Variants in SSR2 observed in about 807,000 individuals in gnomAD.
SSR2 encodes the protein translocon-associated protein subunit beta.
Under a neutral mutation model 22.6 loss-of-function variants are expected in SSR2, and 16 were observed. The observed-to-expected ratio is 0.71, with a 90% CI of 0.48 to 1.08. SSR2 has a LOEUF of 1.08. SSR2 is among the 50% of genes least tolerant of loss of function. SSR2 has a pLI of 0.00. For synonymous variants in SSR2, 83 were observed against 91.2 expected, an observed-to-expected ratio of 0.91 and a Z score of 0.51; for missense variants, 171 against 221.6, an observed-to-expected ratio of 0.77 and a Z score of 1.45.
intron 2 of SSR2, chr1:156,019,325 A>G: frequency 2.7e-6 from 1 of 376,424 alleles, no homozygotes; most frequent in Non-Finnish European, 5.4e-6. Context: ...GAAAGTTATA[A>G]GGGAATAAAA....
chr1:156,016,829 T>C (rs557669632), intron 3 of SSR2, among the ~76,000 whole-genome samples: 4 of 152,258 alleles, frequency 2.6e-5, no homozygotes, highest in South Asian at 2.1e-4. Flanking sequence ...GGTTTAAAAG[T>C]GTGTAGCACC....
intron 4 of SSR2, 165 bp downstream of exon 4, chr1:156,014,795 GC>G (rs1683027474): frequency 3.5e-6 from 2 of 572,032 alleles, no homozygotes; most frequent in Non-Finnish European, 6.4e-6. Flanking sequence ...GCCCACCTCG[GC>G]CTCCAAAAAT....
At chr1:156,019,162 G>A (rs1252390409) in intron 2 of SSR2, 1 of 371,776 alleles carries the variant, frequency 2.7e-6, no homozygotes, top group Non-Finnish European at 5.5e-6. Context: ...GAAGAATCCA[G>A]GTCAAGGACT....
chr1:156,012,766 G>A (rs1274800816), intron 4 of SSR2: 1 of 297,740 alleles, frequency 3.4e-6, no homozygotes, highest in African/African-American at 2.2e-5. Flanking sequence ...CACACATTTT[G>A]GCTTCATAAA....
Position 156,019,315 on chromosome 1 carries a change from G to A in SSR2, c.155+698C>T, listed in dbSNP as rs757714566. 1.2e-5 allele frequency: 5 copies of A among 420,412 alleles called. No individual in the cohort carries two copies. The Middle Eastern group carries it at 1.7e-3, about 144-fold the overall frequency. The allele number at this position is 420,412 out of a possible 1,614,324, so 26.0% of individuals were successfully genotyped here. ...AGAGGAACACAGTGAATACAGAGGA[G>A]AAAGTTATAAGGGAATAAAATGAAA... is the stretch of plus-strand genomic sequence containing the variant. On this transcript the variant is annotated intron_variant, in intron 2 of 5. Coordinates refer to ENST00000295702, the MANE Select transcript of SSR2 (RefSeq NM_003145.4).
chr1:156,015,459 T>C (rs1030550081), intron 3 of SSR2, among the ~76,000 whole-genome samples: 23 of 121,944 alleles, frequency 1.9e-4, no homozygotes, highest in Non-Finnish European at 2.4e-4. Flanking sequence ...TGAGCCGAGA[T>C]TGTGCCACTG....
chr1:156,018,443 A>C, intron 2 of SSR2, 75 bp from the exon 3 acceptor site: 1 of 1,219,216 alleles, frequency 8.2e-7, no homozygotes, highest in Non-Finnish European at 1.2e-6. Flanking sequence ...GCCGTGGCTC[A>C]CGCCTGTAAT....
chr1:156,019,318 A>G (rs996420904), intron 2 of SSR2: 2 of 413,370 alleles, frequency 4.8e-6, no homozygotes, highest in African/African-American at 4.1e-5. Flanking sequence ...CAGAGGAGAA[A>G]GTTATAAGGG....
intron 2 of SSR2, among the ~76,000 whole-genome samples, chr1:156,019,533 C>T (rs921404888): frequency 1.1e-4 from 16 of 151,986 alleles, no homozygotes; most frequent in Non-Finnish European, 2.4e-4. Flanking sequence ...TACAGGCGTC[C>T]GCCACCACGC....
chr1:156,014,965 A>G lies in SSR2; in HGVS notation c.359T>C (p.Val120Ala), dbSNP rs1683029746. The G allele has an allele frequency of 6.2e-7, 1 of 1,613,192 alleles. No homozygotes were observed. The highest frequency in any genetic ancestry group is 1.3e-5 in the African/African-American group (1 of 75,026). Residue 120 changes from valine (V) to alanine (A), a missense_variant, in exon 4 of 6, where the codon GTT becomes GCT. Physicochemically the swap from Val to Ala is moderately conservative, Grantham distance 64. Coordinates refer to ENST00000295702, the MANE Select transcript of SSR2 (RefSeq NM_003145.4). ...CTAAGGGTTTGGGCAACTCACCACA[A>G]CGGGCCCATCCTCCTGGGCCAGGTA... Reference protein sequence around the residue: ...ITYLAQEDGPVVIGSTSAPGQ... With the variant: ...ITYLAQEDGPAVIGSTSAPGQ...
At chr1:156,015,412 CAGG>C (rs935419267) in intron 3 of SSR2, among the ~76,000 whole-genome samples, 2 of 143,006 alleles carry the variant, frequency 1.4e-5, no homozygotes, top group African/African-American at 2.6e-5. Flanking sequence ...GAGGCTGAGG[CAGG>C]AGAACTGCTT....
At chr1:156,020,534 C>G (rs1572259937) in intron 1 of SSR2, 2 of 306,622 alleles carry the variant, frequency 6.5e-6, no homozygotes, top group South Asian at 5.7e-5. Flanking sequence ...TTCCCTCACA[C>G]AGGAGTGCCC....
intron 1 of SSR2, 116 bp from the exon 2 acceptor site, chr1:156,020,283 CCA>C (rs771969846): frequency 3.6e-6 from 4 of 1,108,972 alleles, no homozygotes; most frequent in East Asian, 5.1e-5. Flanking sequence ...GCAGCCCCTT[CCA>C]CAGAGTAGTC....
chr1:156,020,674 G>A, intron 1 of SSR2: 2 of 325,750 alleles, frequency 6.1e-6, no homozygotes, highest in Non-Finnish European at 1.2e-5. Flanking sequence ...ATTCGTCCTC[G>A]CCTGTCACAT....
chr1:156,015,077 A>G lies in SSR2; in HGVS notation c.255-8T>C, dbSNP rs1374962222. The G allele has an allele frequency of 6.2e-7, 1 of 1,610,056 alleles. No individual in the cohort carries two copies. Among genetic ancestry groups the G allele is most frequent in the South Asian group, 1.1e-5 (1 of 90,906 alleles). Reference sequence around the variant, plus strand: ...TGGGAGACATTGCTAGCACTGGCTCAAGAGTTAAGGAACGGAAAGAGATGA... The same window carrying G: ...TGGGAGACATTGCTAGCACTGGCTCGAGAGTTAAGGAACGGAAAGAGATGA... On this transcript the variant is annotated splice_region_variant and splice_polypyrimidine_tract_variant and intron_variant, in intron 3 of 5. Transcript: ENST00000295702.
chr1:156,009,564 G>A lies in SSR2; in HGVS notation c.528C>T (p.Asp176=). The A allele has an allele frequency of 6.2e-7, 1 of 1,613,454 alleles. No homozygotes were observed. The highest frequency in any genetic ancestry group is 8.5e-7 in the Non-Finnish European group (1 of 1,179,710). ...ATCAGTTCTTCTTCGTTTTGGGAGT[G>A]TCATATTTCCTCTTGCTGGAGTACC... ...LLWYSSKRKY[D]TPKTKKN Residue 176 remains aspartate, a synonymous_variant, in exon 6 of 6, where the codon GAC becomes GAT. Coordinates refer to ENST00000295702, the MANE Select transcript of SSR2 (RefSeq NM_003145.4).
At chr1:156,017,746 T>TTTG (rs1553254406) in intron 3 of SSR2, among the ~76,000 whole-genome samples, 1 of 113,422 alleles carries the variant, frequency 8.8e-6, no homozygotes, top group East Asian at 2.5e-4. Flanking sequence ...CAGGTTTTTT[T>TTTG]TTTTTTTTTT....
chr1:156,014,065 T>C (rs1683018127), intron 4 of SSR2: 1 of 152,250 alleles, frequency 6.6e-6, no homozygotes, highest in African/African-American at 2.4e-5. Context: ...GTAAATTTTC[T>C]GTAAGAGGTT....
intron 3 of SSR2, among the ~76,000 whole-genome samples, chr1:156,016,235 CTT>C (rs555337418): frequency 1.5e-3 from 222 of 147,502 alleles, no homozygotes; most frequent in African/African-American, 5.2e-3. Flanking sequence ...CACAGAAAAT[CTT>C]TTTTTTTTGT....
Sources: gnomAD v4.1 joint callset for allele counts (sites outside exome capture counted in the v4.1 genomes callset) on GRCh38, gnomAD v4.1.1 for gene constraint, MANE v1.5 for transcripts, NCBI Gene and HGNC (gene_info 2026-07-23, HGNC 2026-07-21) for gene names.